Variants in BRSK2 observed in about 807,000 individuals in gnomAD.
BRSK2 encodes BR serine/threonine kinase 2, also known as serine/threonine-protein kinase BRSK2.
A neutral mutation model predicts 83.3 loss-of-function variants in BRSK2; 19 were observed. The observed-to-expected ratio is 0.23, with a 90% CI of 0.16 to 0.33. BRSK2 has a LOEUF of 0.33. Among genes scored for constraint, BRSK2 ranks in the 10% least tolerant of loss-of-function variants. The pLI is 1.00. For missense variants in BRSK2, 798 were observed against 1,042.3 expected, an observed-to-expected ratio of 0.77 and a Z score of 3.23; for synonymous variants, 519 against 435.4, an observed-to-expected ratio of 1.19 and a Z score of -2.39.
chr11:1,460,404 CTCTT>C (rs1394431994), intron 19 of BRSK2, 92 bp from the exon 20 acceptor site: 3 of 912,162 alleles, frequency 3.3e-6, no homozygotes, highest in South Asian at 4.1e-5. Context: ...TTTGTTTGTT[CTCTT>C]TCTCTCTCCT....
intron 1 of BRSK2, among the ~76,000 whole-genome samples, chr11:1,428,884 G>A (rs938478871): frequency 4.6e-5 from 7 of 151,926 alleles, no homozygotes; most frequent in African/African-American, 1.7e-4. Flanking sequence ...GTGTGCACAC[G>A]GGTTACTGGG....
intron 2 of BRSK2, among the ~76,000 whole-genome samples, chr11:1,436,946 G>A (rs1397939061): frequency 6.6e-6 from 1 of 151,860 alleles, no homozygotes; most frequent in Non-Finnish European, 1.5e-5. Flanking sequence ...AGCTGCTGGG[G>A]TGTGGAGGAA....
chr11:1,400,766 G>A (rs887652436), intron 1 of BRSK2, among the ~76,000 whole-genome samples: 21 of 152,238 alleles, frequency 1.4e-4, no homozygotes, highest in African/African-American at 4.6e-4. Flanking sequence ...CCTGGGCCCT[G>A]CGGCCACCCA....
chr11:1,405,722 A>G (rs1846824749), intron 1 of BRSK2, among the ~76,000 whole-genome samples: 1 of 152,056 alleles, frequency 6.6e-6, no homozygotes, highest in African/African-American at 2.4e-5. Flanking sequence ...AGGGCAGCCT[A>G]AAGATTGTGC....
chr11:1,460,173 C>G (rs963442028), intron 19 of BRSK2, among the ~76,000 whole-genome samples: 1 of 152,224 alleles, frequency 6.6e-6, no homozygotes, highest in Non-Finnish European at 1.5e-5. Context: ...AGCCTCGCTT[C>G]GCCAAAGGAG....
chr11:1,454,450 C>T lies in BRSK2; in HGVS notation c.1545-35C>T, dbSNP rs758740429. ...GGCAGGGGTGTGGACGGTGCCACAC[C>T]TCAATCCTCACAGCCTCTGTCTCCC... On this transcript the variant is annotated intron_variant, in intron 15 of 19. Transcript: ENST00000528841. This position sits in a 1 kb window ranked among gnomAD's most constrained non-coding sequence, Gnocchi z 5.2. 2 of 1,611,542 alleles carry T rather than the reference C, an allele frequency of 1.2e-6. No homozygotes were observed. The highest frequency in any genetic ancestry group is 1.7e-6 in the Non-Finnish European group (2 of 1,179,254).
In BRSK2 at chr11:1,390,159, C is replaced by A. The variant is rs1184036667; in HGVS notation, c.-126C>A. On this transcript the variant is annotated 5_prime_UTR_variant, in exon 1 of 20. Transcript: ENST00000528841. This position sits in a 1 kb window ranked among gnomAD's most constrained non-coding sequence, Gnocchi z 6.8. ...GGCGGACGCGGGCGGCGCGAAGCAG[C>A]GGGGCCCGCGGGGGCGCCCCGGCCG... 2.1e-5 allele frequency: 6 copies of A among 290,324 alleles called. No individual in the cohort carries two copies. Among genetic ancestry groups the A allele is most frequent in the Non-Finnish European group, 3.0e-5 (6 of 198,314 alleles). 18.0% of individuals were successfully genotyped at this position (290,324 alleles called of 1,614,324 possible).
Position 1,454,462 on chromosome 11 carries a change from A to G in BRSK2, c.1545-23A>G, listed in dbSNP as rs1477069643. 1.9e-6 allele frequency: 3 copies of G among 1,612,302 alleles called. No homozygotes were observed. In the African/African-American group the frequency reaches 4.0e-5, roughly 22 times the overall value. On this transcript the variant is annotated intron_variant, in intron 15 of 19. Transcript: ENST00000528841. This position sits in a 1 kb window ranked among gnomAD's most constrained non-coding sequence, Gnocchi z 5.2. ...GACGGTGCCACACCTCAATCCTCAC[A>G]GCCTCTGTCTCCCACTGCCCAGGCT...
Position 1,443,159 on chromosome 11 carries a change from T to G in BRSK2, c.564+20T>G, listed in dbSNP as rs1363982656. 3.3e-6 allele frequency: 5 copies of G among 1,537,228 alleles called. No individual in the cohort carries two copies. Among genetic ancestry groups the G allele is most frequent in the Non-Finnish European group, 4.4e-6 (5 of 1,145,970 alleles). The stretch of plus-strand genomic sequence containing the variant: ...ATCCGGGTGAGTCAGCGCCGCCGCG[T>G]GCAGCTCTGTGGGGCCCAGGGTGGC... On this transcript the variant is annotated intron_variant, in intron 6 of 19. Transcript: ENST00000528841.
rs372852725 is a variant in BRSK2, at chr11:1,456,344, A to C, written c.1669-4A>C. On this transcript the variant is annotated splice_polypyrimidine_tract_variant and splice_region_variant and intron_variant, in intron 16 of 19. Transcript: ENST00000528841. Reference sequence around the variant, plus strand: ...GCCACGCTCACGCTGCTCTCTCTCCACAGATTCCCAGTCTCAGCCACAGCG... The same window carrying C: ...GCCACGCTCACGCTGCTCTCTCTCCCCAGATTCCCAGTCTCAGCCACAGCG... 6 of 1,554,698 alleles carry C rather than the reference A, an allele frequency of 3.9e-6. No individual in the cohort carries two copies. The highest frequency in any genetic ancestry group is 4.3e-6 in the Non-Finnish European group (5 of 1,150,108).
intron 1 of BRSK2, among the ~76,000 whole-genome samples, chr11:1,414,226 A>G (rs769836032): frequency 6.6e-6 from 1 of 152,214 alleles, no homozygotes. Flanking sequence ...TCTATGTGCA[A>G]ATAGAATCTC....
chr11:1,442,742 G>A (rs978956000), intron 5 of BRSK2, 136 bp downstream of exon 5: 2 of 721,032 alleles, frequency 2.8e-6, no homozygotes, highest in African/African-American at 3.5e-5. Context: ...ATGTGCCTGA[G>A]CCTCCCAGTA....
rs765740147 is a variant in BRSK2 at position 1,450,715 on chromosome 11, G to A, written c.1416G>A (p.Gly472=). The change falls in exon 14 of 20, where the codon GGG becomes GGA. Residue 472 remains glycine (G), a synonymous_variant. Coordinates refer to ENST00000528841, the MANE Select transcript of BRSK2 (RefSeq NM_001256627.2). Reference sequence around the variant, plus strand: ...CCCCGTCCAGCCCCAGCGTCGGAGGGGTGCCCTGGAGGGCGCGGCTCAACT... The same window carrying A: ...CCCCGTCCAGCCCCAGCGTCGGAGGAGTGCCCTGGAGGGCGCGGCTCAACT... ...PTPPSSPSVG[G]VPWRARLNSI... 17 of 1,605,412 alleles carry A rather than the reference G, an allele frequency of 1.1e-5. No individual in the cohort carries two copies. Among genetic ancestry groups the A allele is most frequent in the Non-Finnish European group, 1.4e-5 (17 of 1,177,552 alleles).
Position 1,456,488 on chromosome 11 carries a change from G to A in BRSK2, c.1809G>A (p.Lys603=), listed in dbSNP as rs768224293. The A allele has an allele frequency of 2.5e-6, 4 of 1,575,628 alleles. No individual in the cohort carries two copies. The highest frequency in any genetic ancestry group is 2.6e-6 in the Non-Finnish European group (3 of 1,159,650). ...ACACGGAGGGTGGGGAGGCGCAGAA[G>A]GAGAACGGCATCTACTCCGTCACCT... ...ITYTEGGEAQ[K]ENGIYSVTFT... is the part of the protein sequence containing the mutation. Residue 603 remains lysine (K), a synonymous_variant, in exon 17 of 20, where the codon AAG becomes AAA. Coordinates refer to ENST00000528841, the MANE Select transcript of BRSK2 (RefSeq NM_001256627.2).
chr11:1,448,843 GGT>G (rs1219147397), intron 12 of BRSK2, among the ~76,000 whole-genome samples: 1 of 152,258 alleles, frequency 6.6e-6, no homozygotes, highest in Non-Finnish European at 1.5e-5. Context: ...CCGGGAGCCA[GGT>G]GTGTGGCCAG....
At chr11:1,443,687 G>A (rs957443960) in intron 8 of BRSK2, 52 bp downstream of exon 8, 16 of 1,488,426 alleles carry the variant, frequency 1.1e-5, no homozygotes, top group Non-Finnish European at 1.4e-5. Context: ...GGGGCGCGGG[G>A]GCGGGCGTGT....
Position 1,460,920 on chromosome 11 carries a change from C to T in BRSK2, c.*197C>T, listed in dbSNP as rs1352760024. 6.2e-7 allele frequency: 1 copy of T among 1,610,704 alleles called. No individual in the cohort carries two copies. The highest frequency in any genetic ancestry group is 1.3e-5 in the African/African-American group (1 of 74,822). On this transcript the variant is annotated 3_prime_UTR_variant, in exon 20 of 20. Transcript: ENST00000528841. ...CGCCCGCTCTCTTTTCTCTCTGTCT[C>T]TGCCTCTGCCTGTCTCTGACAGCAT...
chr11:1,459,069 C>T, intron 18 of BRSK2, 123 bp from the exon 19 acceptor site: 1 of 893,208 alleles, frequency 1.1e-6, no homozygotes, highest in African/African-American at 1.7e-5. Flanking sequence ...CCCACCCATG[C>T]CTCTGGGGCC....
At position 1,454,917 on chromosome 11, in the gene BRSK2, A is replaced by C. The variant is rs373574493; in HGVS notation, c.1668+309A>C. Among the ~76,000 whole-genome samples the C allele has an allele frequency of 5.3e-5, 8 of 152,090 alleles. No homozygotes were observed. Among genetic ancestry groups the C allele is most frequent in the African/African-American group, 1.4e-4 (6 of 41,416 alleles). On this transcript the variant is annotated intron_variant, in intron 16 of 19. Transcript: ENST00000528841. The surrounding 1 kb of genome is among the most constrained non-coding windows in gnomAD (Gnocchi z 5.2). ...GGCAGCTGGCACGTGGGGCAGAAGG[A>C]AGGCTCCAGCTGGGTGGGTCTCAGA...
Sources: allele counts gnomAD v4.1 joint callset (sites outside exome capture counted in the v4.1 genomes callset), GRCh38; gene constraint gnomAD v4.1.1; non-coding constraint Gnocchi (gnomAD v3.1); transcripts MANE v1.5; gene names NCBI Gene and HGNC (gene_info 2026-07-23, HGNC 2026-07-21).